Variants in TMEM192 observed in about 807,000 individuals in gnomAD.
The protein encoded by TMEM192 is transmembrane protein 192.
A neutral mutation model predicts 26.7 loss-of-function variants in TMEM192; 20 were observed. That is an observed-to-expected ratio of 0.75 (90% CI 0.53 to 1.09). The LOEUF is 1.09. Ranked by LOEUF, TMEM192 falls within the 50% of genes least tolerant of loss-of-function variation. The probability of loss-of-function intolerance (pLI) is 0.00; values close to 1 mark genes in which losing one functional copy is unlikely to be tolerated. For missense variants in TMEM192, 304 were observed against 322.6 expected (o/e 0.94, Z 0.44); for synonymous variants, 124 against 121.0 (o/e 1.02, Z -0.16).
At chr4:165,088,062 A>G (rs1734666375) in intron 4 of TMEM192, among the ~76,000 whole-genome samples, 1 of 152,030 alleles carries the variant, frequency 6.6e-6, no homozygotes, top group African/African-American at 2.4e-5. Flanking sequence ...TTTGTGCACC[A>G]CCATACCTGG....
At chr4:165,099,757 C>T (rs1408606493) in intron 3 of TMEM192, among the ~76,000 whole-genome samples, 2 of 152,034 alleles carry the variant, frequency 1.3e-5, no homozygotes, top group South Asian at 4.2e-4. Flanking sequence ...CCAACCTGGG[C>T]AACATGGTGA....
chr4:165,110,415 G>A (rs1033948810), intron 1 of TMEM192, among the ~76,000 whole-genome samples: 1 of 152,170 alleles, frequency 6.6e-6, no homozygotes, highest in Non-Finnish European at 1.5e-5. Flanking sequence ...CTCTTTCCAT[G>A]AGCAGTAAAA....
Position 165,088,454 on chromosome 4 carries a change from G to A in TMEM192, c.574+14C>T, listed in dbSNP as rs150057742. On this transcript the variant is annotated intron_variant, in intron 4 of 5. Coordinates refer to ENST00000306480, the MANE Select transcript of TMEM192 (RefSeq NM_001100389.2). The stretch of plus-strand genomic sequence containing the variant: ...TCGAAGTTCCTATAAGAACAGGCTC[G>A]TTGTAATTCTCACCTGTGTAAATGA... The A allele has an allele frequency of 5.8e-4, 937 of 1,608,976 alleles. No homozygotes were observed. Among genetic ancestry groups the A allele is most frequent in the Non-Finnish European group, 7.6e-4 (899 of 1,177,232 alleles).
In TMEM192 at chr4:165,085,632, T is replaced by C. The variant is rs1734593904; in HGVS notation, c.631A>G (p.Lys211Glu). 6.2e-7 allele frequency: 1 copy of C among 1,613,026 alleles called. No homozygotes were observed. Among genetic ancestry groups the C allele is most frequent in the Non-Finnish European group, 8.5e-7 (1 of 1,179,712 alleles). ...KPEPDILEEEKIYAYPSNITS... is the reference protein window; with the variant it reads ...KPEPDILEEEEIYAYPSNITS... ...ATATTGCTGGGGTAAGCATAGATTTTTTCTTCTTCAAGTATATCAGGCTCT... is the reference window on the plus strand; with the variant it reads ...ATATTGCTGGGGTAAGCATAGATTTCTTCTTCTTCAAGTATATCAGGCTCT... Residue 211 changes from lysine (K) to glutamate (E), a missense_variant, in exon 5 of 6, where the codon AAA (lysine) becomes GAA (glutamate). Transcript: ENST00000306480.
intron 3 of TMEM192, among the ~76,000 whole-genome samples, chr4:165,096,171 G>A (rs958535278): frequency 4.0e-5 from 6 of 151,846 alleles, no homozygotes; most frequent in African/African-American, 1.4e-4. Flanking sequence ...ACTATGGGAG[G>A]CCAAGGGGAG....
Position 165,079,683 on chromosome 4 carries a change from A to G in TMEM192, c.791T>C (p.Leu264Pro). The change falls in exon 6 of 6, where the codon CTG becomes CCG. Residue 264 changes from leucine (L) to proline (P), a missense_variant. By Grantham distance (98) the Leu-to-Pro change is moderately conservative. Transcript: ENST00000306480. Reference protein sequence around the residue: ...KRLLALTSSDLGCQPSRT With the variant: ...KRLLALTSSDPGCQPSRT ...TCACGTTCTACTTGGCTGACAGCCC[A>G]GGTCTGAGGAAGTGAGAGCCAACAA... is the stretch of plus-strand genomic sequence containing the variant. The G allele has an allele frequency of 6.2e-7, 1 of 1,613,332 alleles. No individual in the cohort carries two copies. Among genetic ancestry groups the G allele is most frequent in the Non-Finnish European group, 8.5e-7 (1 of 1,179,626 alleles).
intron 3 of TMEM192, among the ~76,000 whole-genome samples, chr4:165,098,440 T>A (rs4691151): frequency 0.43 from 65,435 of 151,072 alleles, 16,878 homozygotes; most frequent in East Asian, 0.58. Context: ...TTTTTTTTTT[T>A]AAAACTTAAC....
chr4:165,092,113 T>TTTTTTTTTC (rs1491452122), intron 3 of TMEM192, among the ~76,000 whole-genome samples: 3 of 7,956 alleles, frequency 3.8e-4, no homozygotes, highest in African/African-American at 8.1e-4. Flanking sequence ...AATGCTGTTC[T>TTTTTTTTTC]TTTTTTTTTT....
Position 165,077,750 on chromosome 4 carries a change from A to AAAAG in TMEM192, c.*1904_*1907dup, listed in dbSNP as rs577408066. On this transcript the variant is annotated 3_prime_UTR_variant, in exon 6 of 6. Transcript: ENST00000306480. ...ACAGAGCGAGACTCCGTCTGAAAAA[A>AAAAG]AAAGAAAGAAAGAAAGGCGCCATTG... is the stretch of plus-strand genomic sequence containing the variant. 626 of 152,358 alleles carry AAAAG rather than the reference A, an allele frequency of 4.1e-3. 4 individuals carry two copies. Among genetic ancestry groups the AAAAG allele is most frequent in the Non-Finnish European group, 4.0e-3 (276 of 68,244 alleles). The allele number at this position is 152,358 out of a possible 1,614,324, so 9.4% of individuals were successfully genotyped here.
chr4:165,093,097 C>T (rs377687000), intron 3 of TMEM192, among the ~76,000 whole-genome samples: 27 of 120,890 alleles, frequency 2.2e-4, no homozygotes, highest in South Asian at 7.8e-4. Context: ...TTTTTTTCTT[C>T]TTTTTTTTTT....
At chr4:165,087,161 G>A (rs745975146) in intron 4 of TMEM192, among the ~76,000 whole-genome samples, 1 of 152,104 alleles carries the variant, frequency 6.6e-6, no homozygotes, top group Admixed American at 6.6e-5. Context: ...GAAAACGTTA[G>A]ATTTTTTTTC....
Position 165,078,739 on chromosome 4 carries a change from C to T in TMEM192, c.*919G>A, listed in dbSNP as rs1253648481. 6.6e-6 allele frequency: 1 copy of T among 152,220 alleles called. No homozygotes were observed. Among genetic ancestry groups the T allele is most frequent in the Non-Finnish European group, 1.5e-5 (1 of 68,034 alleles). 9.4% of individuals were successfully genotyped at this position (152,220 alleles called of 1,614,324 possible). ...CAACACAGGTTCGTCTAACACAGGT[C>T]GGTCTAACACTGGTCCAAGTAATCA... On this transcript the variant is annotated 3_prime_UTR_variant, in exon 6 of 6. Coordinates refer to ENST00000306480, the MANE Select transcript of TMEM192 (RefSeq NM_001100389.2).
chr4:165,090,830 G>A (rs1312126035), intron 3 of TMEM192, among the ~76,000 whole-genome samples: 1 of 149,954 alleles, frequency 6.7e-6, no homozygotes, highest in Non-Finnish European at 1.5e-5. Flanking sequence ...CTTGGTCCCG[G>A]AAGGTGGAGG....
chr4:165,102,866 T>C, intron 2 of TMEM192, 84 bp downstream of exon 2: 1 of 1,307,016 alleles, frequency 7.7e-7, no homozygotes, highest in Non-Finnish European at 1.0e-6. Flanking sequence ...TGTTGATAGA[T>C]ACAGCACAAC....
intron 1 of TMEM192, among the ~76,000 whole-genome samples, chr4:165,110,678 C>A (rs1735274360): frequency 6.6e-6 from 1 of 152,206 alleles, no homozygotes; most frequent in African/African-American, 2.4e-5. Flanking sequence ...GCACTCCAAC[C>A]TGGGCAACAA....
chr4:165,104,806 C>A (rs1463302880), intron 1 of TMEM192, among the ~76,000 whole-genome samples: 1 of 152,170 alleles, frequency 6.6e-6, no homozygotes, highest in Non-Finnish European at 1.5e-5. Context: ...GCTGGGATTA[C>A]AGGCATGAGC....
chr4:165,097,232 T>C (rs959605732), intron 3 of TMEM192, among the ~76,000 whole-genome samples: 5 of 152,082 alleles, frequency 3.3e-5, no homozygotes, highest in African/African-American at 1.2e-4. Context: ...CGGTGGCTCA[T>C]GCCTGTAATC....
In TMEM192 at chr4:165,072,558, C is replaced by CAAA. The variant is rs1560921313; in HGVS notation, c.*7097_*7099dup. On this transcript the variant is annotated 3_prime_UTR_variant, in exon 6 of 6. Transcript: ENST00000306480. ...GGCAACAGAGCGAGACTCCCTCCCC[C>CAAA]AAAAAAAAAAAACAAAACCAAAAAA... The CAAA allele has an allele frequency of 2.0e-5, 3 of 148,834 alleles. No individual in the cohort carries two copies. The highest frequency in any genetic ancestry group is 3.0e-5 in the Non-Finnish European group (2 of 67,274). The allele number at this position is 148,834 out of a possible 1,614,324, so 9.2% of individuals were successfully genotyped here.
chr4:165,090,121 G>A (rs568838874), intron 3 of TMEM192, among the ~76,000 whole-genome samples: 2 of 145,140 alleles, frequency 1.4e-5, no homozygotes, highest in Non-Finnish European at 1.5e-5. Flanking sequence ...TGAGGCAGGA[G>A]AATCACTTGA....
Sources: gnomAD v4.1 joint callset for allele counts (sites outside exome capture counted in the v4.1 genomes callset) on GRCh38, gnomAD v4.1.1 for gene constraint, MANE v1.5 for transcripts, NCBI Gene and HGNC (gene_info 2026-07-23, HGNC 2026-07-21) for gene names.